The following SLC4A4 variants were observed in gnomAD, a reference collection of about 807,000 sequenced individuals.
SLC4A4 encodes the protein solute carrier family 4 member 4, also known as electrogenic sodium bicarbonate cotransporter 1.
SLC4A4 carries 27 observed loss-of-function variants against 111.5 expected under a neutral mutation model. That is an observed-to-expected ratio of 0.24 (90% CI 0.18 to 0.33). The LOEUF (loss-of-function observed/expected upper bound fraction) is 0.33, where lower values mean the gene tolerates loss of function less well. Ranked by LOEUF, SLC4A4 falls within the 10% of genes least tolerant of loss-of-function variation. The pLI, the probability that SLC4A4 is intolerant of heterozygous loss-of-function variation, is 1.00. For missense variants in SLC4A4, 909 were observed against 1,315.5 expected, an observed-to-expected ratio of 0.69 and a Z score of 4.78; for synonymous variants, 443 against 463.4, an observed-to-expected ratio of 0.96 and a Z score of 0.57.
intron 2 of SLC4A4, among the ~76,000 whole-genome samples, chr4:71,120,523 T>G (rs749611873): frequency 6.6e-6 from 1 of 152,226 alleles, no homozygotes; most frequent in Admixed American, 6.5e-5. Flanking sequence ...TTCCTTCAGT[T>G]TTGGCCTGGT....
intron 14 of SLC4A4, 198 bp downstream of exon 14, chr4:71,473,168 A>G (rs1221712400): frequency 2.8e-6 from 2 of 710,884 alleles, no homozygotes; most frequent in African/African-American, 3.5e-5. Flanking sequence ...GAAGGAGACC[A>G]GGAGCTCTGG....
At chr4:71,256,638 G>A (rs181163226) in intron 3 of SLC4A4, among the ~76,000 whole-genome samples, 1 of 152,250 alleles carries the variant, frequency 6.6e-6, no homozygotes, top group Admixed American at 6.5e-5. Flanking sequence ...AAGTACTGGG[G>A]GAAGGTCTGT....
rs138759749 is a variant in SLC4A4, at chr4:71,127,955, G to A, written c.-2+35163G>A. Among the ~76,000 whole-genome samples the A allele has an allele frequency of 1.6e-4, 24 of 152,304 alleles. No homozygotes were observed. The East Asian group carries it at 4.6e-3, about 29-fold the overall frequency. On this transcript the variant is annotated intron_variant, in intron 2 of 26. Coordinates refer to the SLC4A4 transcript ENST00000649996. ...CTGGGCAACGTGATGAAACCCAGTGGTGCAGGACTGTAGTCTCAGCTACTT... is the reference window on the plus strand; with the variant it reads ...CTGGGCAACGTGATGAAACCCAGTGATGCAGGACTGTAGTCTCAGCTACTT...
chr4:71,419,996 T>C (rs576031763), intron 7 of SLC4A4, among the ~76,000 whole-genome samples: 2 of 152,306 alleles, frequency 1.3e-5, no homozygotes, highest in African/African-American at 4.8e-5. Context: ...GGAGAATGAC[T>C]TTGACGAGTT....
chr4:71,495,707 G>A (rs1474530416), intron 15 of SLC4A4, among the ~76,000 whole-genome samples: 1 of 152,102 alleles, frequency 6.6e-6, no homozygotes, highest in African/African-American at 2.4e-5. Flanking sequence ...CATTGATGAT[G>A]TGTTTGGTGT....
At chr4:71,243,123 A>G (rs143314921) in intron 2 of SLC4A4, among the ~76,000 whole-genome samples, 59 of 152,360 alleles carry the variant, frequency 3.9e-4, no homozygotes, top group Middle Eastern at 3.4e-3. Context: ...TCCATTGTAT[A>G]ATAAAGCCTG....
chr4:71,312,624 A>C (rs917368977), intron 3 of SLC4A4, among the ~76,000 whole-genome samples: 5 of 152,238 alleles, frequency 3.3e-5, no homozygotes, highest in African/African-American at 1.2e-4. Flanking sequence ...CAACATATGC[A>C]AATCAATGAA....
At chr4:71,142,956 T>G (rs1418415920) in intron 2 of SLC4A4, among the ~76,000 whole-genome samples, 1 of 151,932 alleles carries the variant, frequency 6.6e-6, no homozygotes, top group Admixed American at 6.6e-5. Flanking sequence ...TTTATTATTA[T>G]TATTATTATA....
chr4:71,274,479 A>C (rs1722930790), intron 3 of SLC4A4, among the ~76,000 whole-genome samples: 1 of 152,226 alleles, frequency 6.6e-6, no homozygotes, highest in African/African-American at 2.4e-5. Flanking sequence ...AACATGAAGA[A>C]ATAAAACAAA....
At chr4:71,222,549 A>T (rs1017964125) in intron 1 of SLC4A4, among the ~76,000 whole-genome samples, 1 of 152,222 alleles carries the variant, frequency 6.6e-6, no homozygotes, top group Non-Finnish European at 1.5e-5. Flanking sequence ...AATAATGCCT[A>T]GTCATAGCAG....
intron 7 of SLC4A4, among the ~76,000 whole-genome samples, chr4:71,426,706 C>T (rs1004368922): frequency 6.6e-6 from 1 of 151,948 alleles, no homozygotes; most frequent in African/African-American, 2.4e-5. Flanking sequence ...TAATTTTAAC[C>T]TAAGAAAAAT....
rs1726694998 is a variant in SLC4A4, at chr4:71,460,254, C to T, written c.1498-6190C>T. Reference sequence around the variant, plus strand: ...ACCCCAAGATAAAGGAAATATTTACCCACATATTTTAGTTCTTTTCTGTTT... The same window carrying T: ...ACCCCAAGATAAAGGAAATATTTACTCACATATTTTAGTTCTTTTCTGTTT... On this transcript the variant is annotated intron_variant, in intron 12 of 25. Transcript: ENST00000264485. 4.6e-5 allele frequency among the ~76,000 whole-genome samples: 7 copies of T among 151,820 alleles called. No individual in the cohort carries two copies. In the South Asian group the frequency reaches 1.5e-3, roughly 31 times the overall value.
chr4:71,283,703 G>A (rs1723704359), intron 3 of SLC4A4, among the ~76,000 whole-genome samples: 1 of 152,280 alleles, frequency 6.6e-6, no homozygotes, highest in Non-Finnish European at 1.5e-5. Context: ...AGAAATGGGA[G>A]ACCAAATCAG....
intron 18 of SLC4A4, among the ~76,000 whole-genome samples, chr4:71,536,580 T>A (rs957425114): frequency 1.3e-5 from 2 of 149,462 alleles, no homozygotes; most frequent in Non-Finnish European, 3.0e-5. Flanking sequence ...CAATTCAACT[T>A]CTGCCTCCGG....
chr4:71,397,045 A>G (rs1187109579), intron 6 of SLC4A4, among the ~76,000 whole-genome samples: 2 of 152,214 alleles, frequency 1.3e-5, no homozygotes, highest in Non-Finnish European at 2.9e-5. Context: ...TCTTGATCCA[A>G]GTGTTAGCCA....
intron 1 of SLC4A4, among the ~76,000 whole-genome samples, chr4:71,202,366 A>G (rs978036210): frequency 2.0e-5 from 3 of 152,152 alleles, no homozygotes; most frequent in Admixed American, 1.3e-4. Context: ...TCATATTCAA[A>G]TGGGTGGAAA....
At chr4:71,427,226 G>A (rs554537281) in intron 7 of SLC4A4, among the ~76,000 whole-genome samples, 1 of 151,882 alleles carries the variant, frequency 6.6e-6, no homozygotes, top group South Asian at 2.1e-4. Flanking sequence ...TTTCTTATTT[G>A]TTAAGATAAT....
rs1743734176 is a variant in SLC4A4 at position 71,132,493 on chromosome 4, A to G, written c.-2+39701A>G. ...CAGCAGGTTTAGCTGGATGGATACTACCTCCTGGACAATACTTAATGCTTT... is the reference window on the plus strand; with the variant it reads ...CAGCAGGTTTAGCTGGATGGATACTGCCTCCTGGACAATACTTAATGCTTT... On this transcript the variant is annotated intron_variant, in intron 2 of 26. Transcript: ENST00000649996. Among the ~76,000 whole-genome samples, 3 of 152,124 alleles carry G rather than the reference A, an allele frequency of 2.0e-5. No homozygotes were observed. The South Asian group carries it at 6.2e-4, about 31-fold the overall frequency.
At chr4:71,499,008 G>A (rs2149153153) in intron 16 of SLC4A4, among the ~76,000 whole-genome samples, 1 of 152,230 alleles carries the variant, frequency 6.6e-6, no homozygotes, top group Non-Finnish European at 1.5e-5. Flanking sequence ...GTGCTTTCTT[G>A]ATACACCTCT....
Sources: allele counts gnomAD v4.1 joint callset (sites outside exome capture counted in the v4.1 genomes callset), GRCh38; gene constraint gnomAD v4.1.1; transcripts MANE v1.5; gene names NCBI Gene and HGNC (gene_info 2026-07-23, HGNC 2026-07-21).